Variants in ARHGAP24 observed in about 807,000 individuals in gnomAD.
ARHGAP24 encodes the protein Rho GTPase activating protein 24.
A neutral mutation model predicts 76.4 loss-of-function variants in ARHGAP24; 50 were observed. That is an observed-to-expected ratio of 0.65 (90% CI 0.52 to 0.83). The LOEUF is 0.83. ARHGAP24 is among the 40% of genes least tolerant of loss of function. ARHGAP24 has a pLI of 0.00. For synonymous variants in ARHGAP24, 345 were observed against 323.3 expected (o/e 1.07, Z -0.72); for missense variants, 930 against 914.2 (o/e 1.02, Z -0.22).
rs149899123 is a variant in ARHGAP24 at position 85,607,127 on chromosome 4, T to C, written c.180+36406T>C. ...TCTAAGGACATTCTCCCTTTGGAGA[T>C]GGAGTAGATGTTATCTATAGAAACA... On this transcript the variant is annotated intron_variant, in intron 2 of 9. Transcript: ENST00000395184. Among the ~76,000 whole-genome samples the C allele has an allele frequency of 3.7e-3, 567 of 152,306 alleles. 4 individuals are homozygous for C. Among genetic ancestry groups the C allele is most frequent in the African/African-American group, 0.013 (529 of 41,556 alleles).
intron 1 of ARHGAP24, among the ~76,000 whole-genome samples, chr4:85,522,034 A>G (rs999828575): frequency 6.6e-6 from 1 of 152,176 alleles, no homozygotes; most frequent in African/African-American, 2.4e-5. Flanking sequence ...AATAGTATAT[A>G]TCTCAATGTA....
chr4:85,612,635 A>G (rs1468266704), intron 2 of ARHGAP24, among the ~76,000 whole-genome samples: 1 of 152,076 alleles, frequency 6.6e-6, no homozygotes, highest in Admixed American at 6.6e-5. Flanking sequence ...ACTCAGAAGA[A>G]TAAACCATTT....
rs34791496 is a variant in ARHGAP24, at chr4:85,777,779, GTGAA to G, written c.268+55821_268+55824del. Reference sequence around the variant, plus strand: ...TGTTCGATAAATATTTGTTAAATAAGTGAATGAATGAATGAATACATTTCAAAAA... The same window carrying G: ...TGTTCGATAAATATTTGTTAAATAAGTGAATGAATGAATACATTTCAAAAA... On this transcript the variant is annotated intron_variant, in intron 3 of 9. Transcript: ENST00000395184. Among the ~76,000 whole-genome samples, 493 of 151,598 alleles carry G rather than the reference GTGAA, an allele frequency of 3.3e-3. 2 individuals carry two copies. The highest frequency in any genetic ancestry group is 0.011 in the African/African-American group (465 of 41,288).
At chr4:85,476,002 T>C (rs1035520020) in intron 1 of ARHGAP24, among the ~76,000 whole-genome samples, 10 of 149,936 alleles carry the variant, frequency 6.7e-5, no homozygotes, top group Non-Finnish European at 1.0e-4. Context: ...ATAATAAGCA[T>C]ATATATTTGC....
At chr4:85,612,946 A>G (rs1008923985) in intron 2 of ARHGAP24, among the ~76,000 whole-genome samples, 1 of 151,806 alleles carries the variant, frequency 6.6e-6, no homozygotes, top group African/African-American at 2.4e-5. Context: ...CCACAGATAC[A>G]CTACCACACC....
chr4:85,807,350 A>T (rs1242478077), intron 3 of ARHGAP24, among the ~76,000 whole-genome samples: 3 of 152,050 alleles, frequency 2.0e-5, no homozygotes, highest in African/African-American at 7.2e-5. Context: ...ATGAGTGAGA[A>T]CATGTGGTAT....
At chr4:85,665,876 A>C (rs897473977) in intron 2 of ARHGAP24, among the ~76,000 whole-genome samples, 9 of 152,202 alleles carry the variant, frequency 5.9e-5, no homozygotes, top group African/African-American at 2.2e-4. Context: ...GGTTTCTGCC[A>C]AGAGATCTGC....
rs962623079 is a variant in ARHGAP24 at position 85,513,854 on chromosome 4, A to G, written c.-21+38295A>G. Among the ~76,000 whole-genome samples, 85 of 151,984 alleles carry G rather than the reference A, an allele frequency of 5.6e-4. 1 individual carries two copies. Among genetic ancestry groups the G allele is most frequent in the African/African-American group, 2.0e-3 (84 of 41,360 alleles). On this transcript the variant is annotated intron_variant, in intron 1 of 9. Transcript: ENST00000395184. Reference sequence around the variant, plus strand: ...GATTGCCTGGTTCTGGTTTGCCTGTAGTTTTGTTGCTTGTCCCAGAGGTTT... The same window carrying G: ...GATTGCCTGGTTCTGGTTTGCCTGTGGTTTTGTTGCTTGTCCCAGAGGTTT...
chr4:85,696,189 T>C (rs1164314575), intron 2 of ARHGAP24, among the ~76,000 whole-genome samples: 2 of 151,820 alleles, frequency 1.3e-5, no homozygotes, highest in African/African-American at 4.8e-5. Context: ...TTAAATTACA[T>C]ATTGAATGTA....
At chr4:85,595,378 A>G (rs1719767044) in intron 2 of ARHGAP24, among the ~76,000 whole-genome samples, 1 of 152,118 alleles carries the variant, frequency 6.6e-6, no homozygotes, top group Non-Finnish European at 1.5e-5. Context: ...ACTATAAACA[A>G]GTCAGGTGGT....
chr4:85,563,401 T>C (rs1383864862), intron 1 of ARHGAP24, among the ~76,000 whole-genome samples: 1 of 152,188 alleles, frequency 6.6e-6, no homozygotes, highest in African/African-American at 2.4e-5. Flanking sequence ...TCTTGGCTTG[T>C]AGGCGACCAA....
At chr4:85,611,257 C>A (rs1019878196) in intron 2 of ARHGAP24, among the ~76,000 whole-genome samples, 11 of 152,160 alleles carry the variant, frequency 7.2e-5, no homozygotes, top group Non-Finnish European at 1.3e-4. Context: ...TATAAAAAAA[C>A]CTTTGCTTCC....
At chr4:85,907,960 C>T (rs1317820648) in intron 3 of ARHGAP24, among the ~76,000 whole-genome samples, 2 of 152,090 alleles carry the variant, frequency 1.3e-5, no homozygotes. Context: ...AAAGACAATT[C>T]TTTTGGCAAC....
chr4:85,839,959 C>G (rs1430827414), intron 3 of ARHGAP24, among the ~76,000 whole-genome samples: 1 of 146,536 alleles, frequency 6.8e-6, no homozygotes, highest in African/African-American at 2.5e-5. Flanking sequence ...AAGCGATTCT[C>G]CTGCCTCAGC....
intron 5 of ARHGAP24, among the ~76,000 whole-genome samples, chr4:85,956,048 G>A (rs1403628305): frequency 6.6e-6 from 1 of 152,180 alleles, no homozygotes; most frequent in African/African-American, 2.4e-5. Flanking sequence ...TTAGGGCAGG[G>A]CTTGATGGAA....
intron 2 of ARHGAP24, among the ~76,000 whole-genome samples, chr4:85,635,796 G>A (rs1721292626): frequency 6.6e-6 from 1 of 151,832 alleles, no homozygotes; most frequent in Non-Finnish European, 1.5e-5. Flanking sequence ...CAATAATATA[G>A]CCGTTTAAGA....
chr4:85,622,637 G>T (rs1333688996), intron 2 of ARHGAP24, among the ~76,000 whole-genome samples: 1 of 152,112 alleles, frequency 6.6e-6, no homozygotes, highest in African/African-American at 2.4e-5. Context: ...GGGTTAAATG[G>T]TATTTCTAGT....
intron 3 of ARHGAP24, among the ~76,000 whole-genome samples, chr4:85,888,578 T>A (rs1434619926): frequency 6.6e-6 from 1 of 152,150 alleles, no homozygotes; most frequent in Non-Finnish European, 1.5e-5. Context: ...GTATCTTTTT[T>A]TATTTACACC....
chr4:85,947,994 A>G lies in ARHGAP24; in HGVS notation c.599+5721A>G, dbSNP rs142904165. The stretch of plus-strand genomic sequence containing the variant: ...TAAATTTACTCTGAGAGAAAAAAAT[A>G]TATGTGGAGGTACAGAAATGAATTC... On this transcript the variant is annotated intron_variant, in intron 5 of 9. Transcript: ENST00000395184. Among the ~76,000 whole-genome samples, 94 of 152,332 alleles carry G rather than the reference A, an allele frequency of 6.2e-4. 1 individual carries two copies. The highest frequency in any genetic ancestry group is 2.0e-3 in the African/African-American group (84 of 41,588).
Sources: allele counts gnomAD v4.1 joint callset (sites outside exome capture counted in the v4.1 genomes callset), GRCh38; gene constraint gnomAD v4.1.1; transcripts MANE v1.5; gene names NCBI Gene and HGNC (gene_info 2026-07-23, HGNC 2026-07-21).